The following KBTBD7 variants were observed in gnomAD, a reference collection of about 807,000 sequenced individuals.
KBTBD7 encodes the protein kelch repeat and BTB domain containing 7, also known as kelch repeat and BTB domain-containing protein 7.
KBTBD7 carries 25 observed loss-of-function variants against 50.3 expected under a neutral mutation model. That is an observed-to-expected ratio of 0.50 (90% CI 0.36 to 0.69). KBTBD7 has a LOEUF of 0.69. Ranked by LOEUF, KBTBD7 falls within the 30% of genes least tolerant of loss-of-function variation. The pLI is 0.00. For synonymous variants in KBTBD7, 305 were observed against 325.3 expected, an observed-to-expected ratio of 0.94 and a Z score of 0.67; for missense variants, 653 against 869.5, an observed-to-expected ratio of 0.75 and a Z score of 3.13.
In KBTBD7 at chr13:41,191,552, C is replaced by CTTTTTTT. The variant is rs1206275963; in HGVS notation, c.*644_*650dup. Reference sequence around the variant, plus strand: ...TAAAACAGTGGAATCCTGATTTTTTCTTTTTTTTTTTTTTTTTTTTTACTT... The same window carrying CTTTTTTT: ...TAAAACAGTGGAATCCTGATTTTTTCTTTTTTTTTTTTTTTTTTTTTTTTTTTTACTT... On this transcript the variant is annotated 3_prime_UTR_variant, in exon 1 of 1. Transcript: ENST00000379483. The CTTTTTTT allele has an allele frequency of 4.5e-4, 23 of 50,832 alleles. No individual in the cohort carries two copies. Among genetic ancestry groups the CTTTTTTT allele is most frequent in the Admixed American group, 6.4e-4 (2 of 3,108 alleles). 3.1% of individuals were successfully genotyped at this position (50,832 alleles called of 1,614,324 possible). A position where few individuals can be genotyped will look rare whatever the true frequency, so the allele number is the denominator to read the frequency against.
At position 41,191,690 on chromosome 13, in the gene KBTBD7, A is replaced by G. The variant is rs2031392635; in HGVS notation, c.*513T>C. On this transcript the variant is annotated 3_prime_UTR_variant, in exon 1 of 1. Coordinates refer to ENST00000379483, the MANE Select transcript of KBTBD7 (RefSeq NM_032138.7). ...TGTAGAAGAAAACCAAAATAATTTT[A>G]CAAACTACATTTAACTTAGAATATA... 6.6e-6 allele frequency: 1 copy of G among 151,828 alleles called. No individual in the cohort carries two copies. The highest frequency in any genetic ancestry group is 2.4e-5 in the African/African-American group (1 of 41,356). The allele number at this position is 151,828 out of a possible 1,614,324, so 9.4% of individuals were successfully genotyped here. A position where few individuals can be genotyped will look rare whatever the true frequency, so the allele number is the denominator to read the frequency against.
At position 41,194,291 on chromosome 13, in the gene KBTBD7, A is replaced by G. The variant is rs1259143758; in HGVS notation, c.-34T>C. On this transcript the variant is annotated 5_prime_UTR_variant, in exon 1 of 1. Coordinates refer to ENST00000379483, the MANE Select transcript of KBTBD7 (RefSeq NM_032138.7). ...TGGCGACGGGCGCTGACGGCGAGAA[A>G]GGCTGCAGGACCAGGCTCTGGCTCC... 1.9e-6 allele frequency: 3 copies of G among 1,602,536 alleles called. No individual in the cohort carries two copies. Among genetic ancestry groups the G allele is most frequent in the African/African-American group, 1.3e-5 (1 of 74,644 alleles).
rs2031349374 is a variant in KBTBD7, at chr13:41,190,101, G to A, written c.*2102C>T. 6.6e-6 allele frequency: 1 copy of A among 152,128 alleles called. No homozygotes were observed. Among genetic ancestry groups the A allele is most frequent in the Non-Finnish European group, 1.5e-5 (1 of 68,024 alleles). The allele number at this position is 152,128 out of a possible 1,614,324, so 9.4% of individuals were successfully genotyped here. On this transcript the variant is annotated 3_prime_UTR_variant, in exon 1 of 1. Coordinates refer to ENST00000379483, the MANE Select transcript of KBTBD7 (RefSeq NM_032138.7). ...CTTAATTCTGCAGATGGATAATCTG[G>A]TTGAGATAAGCATTGCCATCTCTCA...
Position 41,191,317 on chromosome 13 carries a change from G to T in KBTBD7, c.*886C>A, listed in dbSNP as rs948239292. On this transcript the variant is annotated 3_prime_UTR_variant, in exon 1 of 1. Transcript: ENST00000379483. ...TTGCATTACCCAATTATATGTCCAG[G>T]AATTGTTCCTCTGAGTCAGTAAAGC... is the stretch of plus-strand genomic sequence containing the variant. 8.6e-5 allele frequency: 13 copies of T among 150,452 alleles called. No individual in the cohort carries two copies. Among genetic ancestry groups the T allele is most frequent in the Non-Finnish European group, 1.3e-4 (9 of 67,722 alleles). 9.3% of individuals were successfully genotyped at this position (150,452 alleles called of 1,614,324 possible).
rs780720565 is a variant in KBTBD7 at position 41,193,866 on chromosome 13, G to A, written c.392C>T (p.Thr131Met). Residue 131 changes from threonine (T) to methionine (M), a missense_variant, in exon 1 of 1, where the codon ACG becomes ATG. Thr to Met is a moderately conservative substitution (Grantham distance 81). This residue lies in a region of KBTBD7 where 526 missense variants were observed against 717.1 expected (regional missense o/e 0.73). Coordinates refer to ENST00000379483, the MANE Select transcript of KBTBD7 (RefSeq NM_032138.7). This position sits in a 1 kb window ranked among gnomAD's most constrained non-coding sequence, Gnocchi z 5.7. ...GGCCTCACTGAGAGACACACGACCCGTGTAGCAGTAGTCGACCAACACCTC... is the reference window on the plus strand; with the variant it reads ...GGCCTCACTGAGAGACACACGACCCATGTAGCAGTAGTCGACCAACACCTC... Reference protein sequence around the residue: ...SFEVLVDYCYTGRVSLSEANV... With the variant: ...SFEVLVDYCYMGRVSLSEANV... 3.1e-6 allele frequency: 5 copies of A among 1,614,182 alleles called. No homozygotes were observed. The highest frequency in any genetic ancestry group is 3.3e-5 in the Admixed American group (2 of 60,032).
rs1474490815 is a variant in KBTBD7, at chr13:41,190,352, T to G, written c.*1851A>C. 1 of 152,216 alleles carries G rather than the reference T, an allele frequency of 6.6e-6. No homozygotes were observed. Among genetic ancestry groups the G allele is most frequent in the Non-Finnish European group, 1.5e-5 (1 of 68,012 alleles). 9.4% of individuals were successfully genotyped at this position (152,216 alleles called of 1,614,324 possible). A position where few individuals can be genotyped will look rare whatever the true frequency, so the allele number is the denominator to read the frequency against. On this transcript the variant is annotated 3_prime_UTR_variant, in exon 1 of 1. Coordinates refer to ENST00000379483, the MANE Select transcript of KBTBD7 (RefSeq NM_032138.7). ...TACTTCACTGGAAATAACGTTAAAC[T>G]TGTAGACTGTTCAAATGGCCAATCA...
Position 41,190,375 on chromosome 13 carries a change from T to A in KBTBD7, c.*1828A>T, listed in dbSNP as rs1387171378. ...ACTTGTAGACTGTTCAAATGGCCAA[T>A]CAAAATGACTAAGAAACATTATCGT... On this transcript the variant is annotated 3_prime_UTR_variant, in exon 1 of 1. Coordinates refer to ENST00000379483, the MANE Select transcript of KBTBD7 (RefSeq NM_032138.7). 6.6e-6 allele frequency: 1 copy of A among 152,208 alleles called. No homozygotes were observed. The highest frequency in any genetic ancestry group is 1.5e-5 in the Non-Finnish European group (1 of 68,016). 9.4% of individuals were successfully genotyped at this position (152,208 alleles called of 1,614,324 possible).
In KBTBD7 at chr13:41,192,111, C is replaced by T. The variant is rs1270746599; in HGVS notation, c.*92G>A. ...ACCCTTTCTAAACCAAATCTGTGGT[C>T]CTAATCAACTTTTTTTCCAAGAAAA... On this transcript the variant is annotated 3_prime_UTR_variant, in exon 1 of 1. Transcript: ENST00000379483. 3.9e-6 allele frequency: 5 copies of T among 1,286,652 alleles called. No homozygotes were observed. The highest frequency in any genetic ancestry group is 5.4e-6 in the Non-Finnish European group (5 of 924,192). The allele number at this position is 1,286,652 out of a possible 1,614,324, so 79.7% of individuals were successfully genotyped here. A position where few individuals can be genotyped will look rare whatever the true frequency, so the allele number is the denominator to read the frequency against.
In KBTBD7 at chr13:41,194,449, C is replaced by G; in HGVS notation, c.-192G>C. ...ATTGCATAGACAGTGGCTGACTCAC[C>G]CTCTCTCACTCCCGCGCCCTTTCTC... On this transcript the variant is annotated 5_prime_UTR_variant, in exon 1 of 1. Transcript: ENST00000379483. 5.5e-6 allele frequency: 4 copies of G among 720,756 alleles called. No homozygotes were observed. Among genetic ancestry groups the G allele is most frequent in the South Asian group, 2.0e-5 (1 of 49,150 alleles). 44.6% of individuals were successfully genotyped at this position (720,756 alleles called of 1,614,324 possible).
rs978159904 is a variant in KBTBD7, at chr13:41,194,450, C to T, written c.-193G>A. ...TTGCATAGACAGTGGCTGACTCACC[C>T]TCTCTCACTCCCGCGCCCTTTCTCC... On this transcript the variant is annotated 5_prime_UTR_variant, in exon 1 of 1. Coordinates refer to ENST00000379483, the MANE Select transcript of KBTBD7 (RefSeq NM_032138.7). 1.3e-4 allele frequency: 91 copies of T among 715,626 alleles called. No individual in the cohort carries two copies. The African/African-American group carries it at 1.4e-3, about 11-fold the overall frequency. 44.3% of individuals were successfully genotyped at this position (715,626 alleles called of 1,614,324 possible).
In KBTBD7 at chr13:41,193,631, A is replaced by C; in HGVS notation, c.627T>G (p.Ile209Met). The C allele has an allele frequency of 2.5e-6, 4 of 1,614,170 alleles. No individual in the cohort carries two copies. The highest frequency in any genetic ancestry group is 3.4e-6 in the Non-Finnish European group (4 of 1,180,036). ...NFKQLSRMGS[I>M]REETLADLTL... ...TTAGATCTGCTAGAGTCTCCTCCCG[A>C]ATTGAACCCATTCGGCTGAGCTGCT... Residue 209 changes from isoleucine to methionine, a missense_variant, in exon 1 of 1, where the codon ATT (isoleucine) becomes ATG (methionine). Around this residue, in one of 3 missense-constraint regions of KBTBD7, gnomAD observed 526 missense variants for 717.1 expected, o/e 0.73. Transcript: ENST00000379483. This position sits in a 1 kb window ranked among gnomAD's most constrained non-coding sequence, Gnocchi z 5.7.
Position 41,192,105 on chromosome 13 carries a change from T to TA in KBTBD7, c.*97_*98insT, listed in dbSNP as rs2031402599. The TA allele has an allele frequency of 8.3e-7, 1 of 1,201,724 alleles. No individual in the cohort carries two copies. The highest frequency in any genetic ancestry group is 2.3e-5 in the Admixed American group (1 of 44,002). 74.4% of individuals were successfully genotyped at this position (1,201,724 alleles called of 1,614,324 possible). A position where few individuals can be genotyped will look rare whatever the true frequency, so the allele number is the denominator to read the frequency against. ...AATATTACCCTTTCTAAACCAAATC[T>TA]GTGGTCCTAATCAACTTTTTTTCCA... On this transcript the variant is annotated 3_prime_UTR_variant, in exon 1 of 1. Transcript: ENST00000379483.
chr13:41,192,753 T>C lies in KBTBD7; in HGVS notation c.1505A>G (p.Asn502Ser). 1.2e-6 allele frequency: 2 copies of C among 1,613,892 alleles called. No homozygotes were observed. The highest frequency in any genetic ancestry group is 1.7e-6 in the Non-Finnish European group (2 of 1,179,738). ...AAGAGAAGCACAGTTCAGCCACATA[T>C]TGTGGCTAGGATCATAGCAAAGCAT... ...KRMLCYDPSH[N>S]MWLNCASLKR... Residue 502 changes from asparagine (N) to serine (S), a missense_variant, in exon 1 of 1, where the codon AAT becomes AGT. By Grantham distance (46) the Asn-to-Ser change is conservative. Transcript: ENST00000379483.
Position 41,193,779 on chromosome 13 carries a change from C to T in KBTBD7, c.479G>A (p.Cys160Tyr). 2 of 1,614,242 alleles carry T rather than the reference C, an allele frequency of 1.2e-6. No homozygotes were observed. The highest frequency in any genetic ancestry group is 1.7e-6 in the Non-Finnish European group (2 of 1,180,042). ...AAGACGTCGGGCTAAGAAGGAGGCACAGGCTTCCCGCACATATTCCAGCTG... is the reference window on the plus strand; with the variant it reads ...AAGACGTCGGGCTAAGAAGGAGGCATAGGCTTCCCGCACATATTCCAGCTG... ...MLQLEYVREA[C>Y]ASFLARRLDL... Residue 160 changes from cysteine (C) to tyrosine (Y), a missense_variant, in exon 1 of 1, where the codon TGT becomes TAT. Cys to Tyr is a radical substitution (Grantham distance 194). Transcript: ENST00000379483. This position sits in a 1 kb window ranked among gnomAD's most constrained non-coding sequence, Gnocchi z 5.7.
rs2031360735 is a variant in KBTBD7 at position 41,190,577 on chromosome 13, G to C, written c.*1626C>G. The C allele has an allele frequency of 6.6e-6, 1 of 152,128 alleles. No homozygotes were observed. The highest frequency in any genetic ancestry group is 2.4e-5 in the African/African-American group (1 of 41,456). 9.4% of individuals were successfully genotyped at this position (152,128 alleles called of 1,614,324 possible). ...ATGTTATTGAATAAAGAATCAGGAA[G>C]ATAATTCTAATTGGGTATAGAAAAA... On this transcript the variant is annotated 3_prime_UTR_variant, in exon 1 of 1. Transcript: ENST00000379483.
At position 41,193,647 on chromosome 13, in the gene KBTBD7, C is replaced by T; in HGVS notation, c.611G>A (p.Ser204Asn). ...SYIAHNFKQL[S>N]RMGSIREETL... ...CTCCTCCCGAATTGAACCCATTCGG[C>T]TGAGCTGCTTGAAGTTGTGAGCTAT... Residue 204 changes from serine (S) to asparagine (N), a missense_variant, in exon 1 of 1, where the codon AGC (serine) becomes AAC (asparagine). Coordinates refer to ENST00000379483, the MANE Select transcript of KBTBD7 (RefSeq NM_032138.7). The surrounding 1 kb of genome is among the most constrained non-coding windows in gnomAD (Gnocchi z 5.7). 1 of 1,614,204 alleles carries T rather than the reference C, an allele frequency of 6.2e-7. No homozygotes were observed. The highest frequency in any genetic ancestry group is 2.2e-5 in the East Asian group (1 of 44,878).
In KBTBD7 at chr13:41,191,051, A is replaced by T. The variant is rs914479623; in HGVS notation, c.*1152T>A. ...TCTATAATACACAGCTTAAAGTTTT[A>T]AAGTTCTTGGCTGGCAGTTGATTTT... is the stretch of plus-strand genomic sequence containing the variant. On this transcript the variant is annotated 3_prime_UTR_variant, in exon 1 of 1. Coordinates refer to ENST00000379483, the MANE Select transcript of KBTBD7 (RefSeq NM_032138.7). 3 of 152,178 alleles carry T rather than the reference A, an allele frequency of 2.0e-5. No individual in the cohort carries two copies. The highest frequency in any genetic ancestry group is 7.2e-5 in the African/African-American group (3 of 41,458). The allele number at this position is 152,178 out of a possible 1,614,324, so 9.4% of individuals were successfully genotyped here.
Position 41,194,171 on chromosome 13 carries a change from C to A in KBTBD7, c.87G>T (p.Ser29=). 6.2e-7 allele frequency: 1 copy of A among 1,614,182 alleles called. No individual in the cohort carries two copies. The change falls in exon 1 of 1, where the codon TCG becomes TCT. Residue 29 remains serine (S), a synonymous_variant. Coordinates refer to ENST00000379483, the MANE Select transcript of KBTBD7 (RefSeq NM_032138.7). ...GRRPKRISKP[S]VSAFFTGPEE... is the part of the protein sequence containing the mutation. ...CTGGACCCGTGAAAAAGGCCGAAAC[C>A]GAGGGCTTGGAAATCCTCTTGGGCC... is the stretch of plus-strand genomic sequence containing the variant.
Position 41,191,390 on chromosome 13 carries a change from G to A in KBTBD7, c.*813C>T, listed in dbSNP as rs1364466754. ...ACACAAACATAAAAAGCAAGTTACC[G>A]TTTTTTTTTTTTTTTTTGGTTTAGA... On this transcript the variant is annotated 3_prime_UTR_variant, in exon 1 of 1. Coordinates refer to ENST00000379483, the MANE Select transcript of KBTBD7 (RefSeq NM_032138.7). 2 of 131,344 alleles carry A rather than the reference G, an allele frequency of 1.5e-5. No individual in the cohort carries two copies. The highest frequency in any genetic ancestry group is 2.9e-5 in the African/African-American group (1 of 33,922). The allele number at this position is 131,344 out of a possible 1,614,324, so 8.1% of individuals were successfully genotyped here.
Sources: gnomAD v4.1 joint callset for allele counts on GRCh38, gnomAD v4.1.1 for gene constraint, gnomAD v4.1.1 regional missense constraint, Gnocchi (gnomAD v3.1) non-coding constraint, MANE v1.5 for transcripts, NCBI Gene and HGNC (gene_info 2026-07-23, HGNC 2026-07-21) for gene names.